Variants in SERPINI1 observed in about 807,000 individuals in gnomAD.
SERPINI1 encodes the protein neuroserpin.
In SERPINI1, 19 loss-of-function variants were observed where a neutral mutation model predicts 41.1. The ratio of observed to expected loss-of-function variants is 0.46; its 90% CI spans 0.32 to 0.68. The LOEUF (loss-of-function observed/expected upper bound fraction) is 0.68. Among genes scored for constraint, SERPINI1 ranks in the 30% least tolerant of loss-of-function variants. SERPINI1 has a pLI of 0.03. For synonymous variants in SERPINI1, 138 were observed against 156.6 expected (o/e 0.88, Z 0.89); for missense variants, 460 against 479.2 (o/e 0.96, Z 0.37).
chr3:167,809,361 T>A (rs1379658985), intron 6 of SERPINI1, among the ~76,000 whole-genome samples: 1 of 152,212 alleles, frequency 6.6e-6, no homozygotes, highest in East Asian at 1.9e-4. Context: ...GTTTGATTAG[T>A]AATTCCTCAC....
Position 167,808,797 on chromosome 3 carries a change from A to G in SERPINI1, c.979+1456A>G, listed in dbSNP as rs75635898. Among the ~76,000 whole-genome samples the G allele has an allele frequency of 6.1e-3, 923 of 152,296 alleles. 14 individuals carry two copies. The highest frequency in any genetic ancestry group is 0.026 in the Admixed American group (404 of 15,284). On this transcript the variant is annotated intron_variant, in intron 6 of 8. Transcript: ENST00000446050. ...ATGTGCACACAATGCATCTGCACAT[A>G]TACATGTAGGTGTGTGTGAGAGAGA...
At chr3:167,791,210 A>G (rs547613283) in intron 3 of SERPINI1, among the ~76,000 whole-genome samples, 2 of 152,096 alleles carry the variant, frequency 1.3e-5, no homozygotes, top group African/African-American at 4.8e-5. Flanking sequence ...TTATTTTCCA[A>G]TTTTACCAGC....
chr3:167,755,052 C>G (rs1726154970), intron 1 of SERPINI1, among the ~76,000 whole-genome samples: 1 of 152,178 alleles, frequency 6.6e-6, no homozygotes, highest in Non-Finnish European at 1.5e-5. Context: ...AACATTCATT[C>G]AACAAATCCC....
chr3:167,787,698 C>G (rs1474487813), intron 1 of SERPINI1, among the ~76,000 whole-genome samples: 1 of 152,208 alleles, frequency 6.6e-6, no homozygotes, highest in African/African-American at 2.4e-5. Context: ...TGAGACTTAC[C>G]TTCCTAAACA....
In SERPINI1 at chr3:167,792,716, C is replaced by G. The variant is rs745438717; in HGVS notation, c.608C>G (p.Ser203Cys). ...AGGCCTGAAAATACTAGAACCTTTT[C>G]TTTCACTAAAGATGATGAAAGTGAA... Reference protein sequence around the residue: ...QFRPENTRTFSFTKDDESEVQ... With the variant: ...QFRPENTRTFCFTKDDESEVQ... The change falls in exon 4 of 9, where the codon TCT (serine) becomes TGT (cysteine). Residue 203 changes from serine to cysteine, a missense_variant. Physicochemically the swap from Ser to Cys is moderately radical, Grantham distance 112 (BLOSUM62 -1). Coordinates refer to ENST00000446050, the MANE Select transcript of SERPINI1 (RefSeq NM_001122752.2). 3.1e-6 allele frequency: 5 copies of G among 1,613,840 alleles called. No homozygotes were observed. In the South Asian group the frequency reaches 4.4e-5, roughly 14 times the overall value.
chr3:167,787,624 A>G (rs1727356689), intron 1 of SERPINI1, among the ~76,000 whole-genome samples: 2 of 152,206 alleles, frequency 1.3e-5, no homozygotes, highest in South Asian at 2.1e-4. Context: ...AGTGCACTCC[A>G]TCTCCCATTA....
Position 167,789,208 on chromosome 3 carries a change from C to A in SERPINI1, c.80C>A (p.Ala27Asp). The change falls in exon 2 of 9, where the codon GCT (alanine) becomes GAT (aspartate). Residue 27 changes from alanine (A) to aspartate (D), a missense_variant. Ala to Asp is a moderately radical substitution (Grantham distance 126). Coordinates refer to ENST00000446050, the MANE Select transcript of SERPINI1 (RefSeq NM_001122752.2). ...TGATFPEEAIADLSVNMYNRL... is the reference protein window; with the variant it reads ...TGATFPEEAIDDLSVNMYNRL... ...GCCACTTTCCCTGAGGAAGCCATTGCTGACTTGTCAGTGAATATGTATAAT... is the reference window on the plus strand; with the variant it reads ...GCCACTTTCCCTGAGGAAGCCATTGATGACTTGTCAGTGAATATGTATAAT... 1 of 1,614,160 alleles carries A rather than the reference C, an allele frequency of 6.2e-7. No homozygotes were observed. The highest frequency in any genetic ancestry group is 8.5e-7 in the Non-Finnish European group (1 of 1,180,010).
chr3:167,768,180 C>T (rs756648916), intron 1 of SERPINI1, among the ~76,000 whole-genome samples: 11 of 152,278 alleles, frequency 7.2e-5, no homozygotes, highest in South Asian at 2.1e-4. Context: ...CTTCAGCAAC[C>T]GCCAGCCTTA....
chr3:167,804,684 A>T (rs1711566898), intron 5 of SERPINI1, among the ~76,000 whole-genome samples: 1 of 152,210 alleles, frequency 6.6e-6, no homozygotes, highest in African/African-American at 2.4e-5. Flanking sequence ...CAAATTAAAA[A>T]CAAAAAATAA....
At chr3:167,735,906 A>G (rs1725394944) in intron 1 of SERPINI1, 83 bp downstream of exon 1, 1 of 152,192 alleles carries the variant, frequency 6.6e-6, no homozygotes, top group Admixed American at 6.5e-5. Flanking sequence ...GACACAGCTA[A>G]AAGAGTCCGC....
Position 167,781,345 on chromosome 3 carries a change from A to C in SERPINI1, c.-18-7766A>C, listed in dbSNP as rs559424249. Among the ~76,000 whole-genome samples, 71 of 152,284 alleles carry C rather than the reference A, an allele frequency of 4.7e-4. No homozygotes were observed. The Middle Eastern group carries it at 0.01, about 22-fold the overall frequency. The stretch of plus-strand genomic sequence containing the variant: ...ACAAAGTAGTAATTTTTATGAGTTC[A>C]AAAATATCTACTTCAAGGGATTGTT... On this transcript the variant is annotated intron_variant, in intron 1 of 8. Transcript: ENST00000446050.
intron 6 of SERPINI1, among the ~76,000 whole-genome samples, chr3:167,812,474 A>C (rs1001310249): frequency 1.3e-5 from 2 of 152,312 alleles, no homozygotes; most frequent in Non-Finnish European, 2.9e-5. Flanking sequence ...CCCCAATTTC[A>C]TCAAGGCATC....
chr3:167,799,329 G>A (rs945879288), intron 5 of SERPINI1, among the ~76,000 whole-genome samples: 1 of 152,174 alleles, frequency 6.6e-6, no homozygotes, highest in Non-Finnish European at 1.5e-5. Flanking sequence ...TGCTGAGGAT[G>A]ATGCTTTCCA....
At chr3:167,772,426 C>G (rs11921387) in intron 1 of SERPINI1, among the ~76,000 whole-genome samples, 1,552 of 152,206 alleles carry the variant, frequency 0.01, 24 homozygotes, top group African/African-American at 0.036. Context: ...ATTTGGGTAG[C>G]CCGCCTTGCA....
intron 6 of SERPINI1, among the ~76,000 whole-genome samples, chr3:167,817,566 C>T (rs1378190393): frequency 6.6e-6 from 1 of 151,360 alleles, no homozygotes; most frequent in African/African-American, 2.4e-5. Context: ...TATTTTTTTC[C>T]TTGACTCAAT....
chr3:167,758,806 T>G (rs955786363), intron 1 of SERPINI1, among the ~76,000 whole-genome samples: 1 of 152,228 alleles, frequency 6.6e-6, no homozygotes, highest in African/African-American at 2.4e-5. Flanking sequence ...ATGCATTAGC[T>G]ATAAGTGAGA....
At chr3:167,797,662 G>A (rs1727757522) in intron 5 of SERPINI1, among the ~76,000 whole-genome samples, 1 of 151,566 alleles carries the variant, frequency 6.6e-6, no homozygotes, top group Admixed American at 6.6e-5. Context: ...ATAACTTTCT[G>A]TGACAATACA....
At chr3:167,786,377 A>G (rs1039744281) in intron 1 of SERPINI1, among the ~76,000 whole-genome samples, 2 of 151,994 alleles carry the variant, frequency 1.3e-5, no homozygotes, top group Admixed American at 1.3e-4. Flanking sequence ...GCGTTGTGGC[A>G]GGCGCCTGTA....
intron 3 of SERPINI1, among the ~76,000 whole-genome samples, chr3:167,791,453 A>C (rs1386700058): frequency 2.6e-5 from 4 of 152,192 alleles, no homozygotes; most frequent in Non-Finnish European, 4.4e-5. Flanking sequence ...GAGAGAATAC[A>C]GAGCAAATTT....
Sources: allele counts gnomAD v4.1 joint callset (sites outside exome capture counted in the v4.1 genomes callset), GRCh38; gene constraint gnomAD v4.1.1; transcripts MANE v1.5; gene names NCBI Gene and HGNC (gene_info 2026-07-23, HGNC 2026-07-21).